The following ZNF536 variants were observed in gnomAD, a reference collection of about 807,000 sequenced individuals.
ZNF536 encodes the protein zinc finger protein 536.
Under a neutral mutation model 84.5 loss-of-function variants are expected in ZNF536, and 13 were observed. The observed-to-expected ratio is 0.15, with a 90% CI of 0.10 to 0.24. The LOEUF is 0.24. ZNF536 is among the 10% of genes least tolerant of loss of function. ZNF536 has a pLI of 1.00. For synonymous variants in ZNF536, 811 were observed against 742.5 expected (o/e 1.09, Z -1.50); for missense variants, 1,536 against 1,747.5 (o/e 0.88, Z 2.16).
At chr19:30,280,365 G>A (rs978165482) in intron 1 of ZNF536, among the ~76,000 whole-genome samples, 3 of 150,508 alleles carry the variant, frequency 2.0e-5, no homozygotes, top group South Asian at 2.1e-4. Flanking sequence ...CCATCCTCCC[G>A]TCTGTTCTCC....
chr19:30,429,011 T>A lies in ZNF536; in HGVS notation c.-2-14550T>A, dbSNP rs140136501. Among the ~76,000 whole-genome samples, 522 of 152,170 alleles carry A rather than the reference T, an allele frequency of 3.4e-3. 6 individuals are homozygous for A. Among genetic ancestry groups the A allele is most frequent in the African/African-American group, 0.012 (503 of 41,504 alleles). ...TGTCTAACACATGGGAAGCCATGAT[T>A]CAGAGAGGGGCCAGGGCACCTGAGG... On this transcript the variant is annotated intron_variant, in intron 1 of 4. Coordinates refer to ENST00000355537, the MANE Select transcript of ZNF536 (RefSeq NM_014717.3).
intron 1 of ZNF536, among the ~76,000 whole-genome samples, chr19:30,379,531 A>T (rs768434816): frequency 1.3e-5 from 2 of 151,190 alleles, no homozygotes; most frequent in Non-Finnish European, 2.9e-5. Flanking sequence ...GGGATGTATC[A>T]TCGTTGCCAG....
intron 1 of ZNF536, among the ~76,000 whole-genome samples, chr19:30,637,301 A>C (rs570798016): frequency 3.7e-4 from 57 of 152,296 alleles, no homozygotes; most frequent in African/African-American, 1.3e-3. Flanking sequence ...GCTGGGTATC[A>C]TGTCCTACTG....
intron 1 of ZNF536, among the ~76,000 whole-genome samples, chr19:30,432,312 G>T (rs2051509178): frequency 6.6e-6 from 1 of 152,112 alleles, no homozygotes; most frequent in Admixed American, 6.5e-5. Flanking sequence ...AGAGGACCAG[G>T]GGGCTTGGAG....
At chr19:30,320,851 C>T (rs979609245) in intron 2 of ZNF536, among the ~76,000 whole-genome samples, 21 of 152,218 alleles carry the variant, frequency 1.4e-4, no homozygotes, top group African/African-American at 4.3e-4. Flanking sequence ...GCCCACTGTG[C>T]GCCGGACGTG....
intron 1 of ZNF536, among the ~76,000 whole-genome samples, chr19:30,374,136 A>G (rs912857150): frequency 6.6e-6 from 1 of 152,204 alleles, no homozygotes; most frequent in Non-Finnish European, 1.5e-5. Flanking sequence ...TTCTGCTTAA[A>G]TATCCGGGTG....
At chr19:30,381,779 A>T (rs2049033768) in intron 1 of ZNF536, among the ~76,000 whole-genome samples, 3 of 152,190 alleles carry the variant, frequency 2.0e-5, no homozygotes. Flanking sequence ...GGGACAGTGC[A>T]AGGGACAGAA....
At chr19:30,555,507 G>A (rs943181072) in intron 4 of ZNF536, 28 of 152,298 alleles carry the variant, frequency 1.8e-4, no homozygotes, top group African/African-American at 6.3e-4. Flanking sequence ...TGGCAATTTT[G>A]TGATGACCTC....
chr19:30,703,572 G>A (rs2052089684), intron 1 of ZNF536, among the ~76,000 whole-genome samples: 4 of 152,144 alleles, frequency 2.6e-5, no homozygotes. Context: ...CCATTCAAAT[G>A]CCTATGCCCC....
intron 1 of ZNF536, among the ~76,000 whole-genome samples, chr19:30,383,671 TCTTCCTTTCTTCCTTC>T (rs2049122427): frequency 3.4e-5 from 1 of 29,606 alleles, no homozygotes; most frequent in Non-Finnish European, 8.6e-5. Context: ...TCTCTTTCTT[TCTTCCTTTCTTCCTTC>T]CTTTCTTTTC....
chr19:30,481,935 T>C (rs1000363025), intron 2 of ZNF536, among the ~76,000 whole-genome samples: 10 of 152,226 alleles, frequency 6.6e-5, no homozygotes, highest in African/African-American at 2.4e-4. Context: ...TTTCCATTCC[T>C]GAGTTACTTC....
rs568089395 is a variant in ZNF536, at chr19:30,711,695, A to T, written c.*694A>T. The T allele has an allele frequency of 4.6e-5, 7 of 152,296 alleles. No homozygotes were observed. In the South Asian group the frequency reaches 1.2e-3, roughly 27 times the overall value. The allele number at this position is 152,296 out of a possible 1,614,324, so 9.4% of individuals were successfully genotyped here. Reference sequence around the variant, plus strand: ...AGGAAGTGTCTGCAGACAAATGTCCATTGCAGGTTTGATGAGTAATTCCTT... The same window carrying T: ...AGGAAGTGTCTGCAGACAAATGTCCTTTGCAGGTTTGATGAGTAATTCCTT... On this transcript the variant is annotated 3_prime_UTR_variant, in exon 2 of 2. Transcript: ENST00000592773.
chr19:30,585,421 C>G (rs1363300327), intron 1 of ZNF536, among the ~76,000 whole-genome samples: 2 of 152,152 alleles, frequency 1.3e-5, no homozygotes, highest in East Asian at 3.9e-4. Context: ...AACAGATGAA[C>G]AAATGAATGA....
At chr19:30,560,002 C>T (rs1334374935), downstream of ZNF536, among the ~76,000 whole-genome samples, 1 of 152,094 alleles carries the variant, frequency 6.6e-6, no homozygotes, top group Non-Finnish European at 1.5e-5. Context: ...CCCATCTTCT[C>T]ATTTCAGGGC....
intron 1 of ZNF536, among the ~76,000 whole-genome samples, chr19:30,241,743 T>A (rs1007993007): frequency 1.3e-5 from 2 of 152,220 alleles, no homozygotes; most frequent in Non-Finnish European, 2.9e-5. Flanking sequence ...GCCAGGCACC[T>A]GGACCTGACC....
chr19:30,400,610 G>A lies in ZNF536; in HGVS notation c.-3+28054G>A, dbSNP rs146809826. Among the ~76,000 whole-genome samples the A allele has an allele frequency of 4.1e-3, 625 of 152,278 alleles. 6 individuals are homozygous for A. The highest frequency in any genetic ancestry group is 0.014 in the African/African-American group (594 of 41,558). On this transcript the variant is annotated intron_variant, in intron 1 of 4. Coordinates refer to ENST00000355537, the MANE Select transcript of ZNF536 (RefSeq NM_014717.3). ...AAGGTCTCACTTTGTCGCCCAGGCT[G>A]CAGTGCAGTGGTGCTGTCATAGCTC... is the stretch of plus-strand genomic sequence containing the variant.
chr19:30,694,809 A>T (rs1480617492), intron 1 of ZNF536, among the ~76,000 whole-genome samples: 1 of 152,024 alleles, frequency 6.6e-6, no homozygotes, highest in Non-Finnish European at 1.5e-5. Context: ...CCCATGGGGG[A>T]GGCCTGTGGG....
intron 1 of ZNF536, among the ~76,000 whole-genome samples, chr19:30,381,861 C>T (rs1173480598): frequency 6.6e-6 from 1 of 152,160 alleles, no homozygotes; most frequent in African/African-American, 2.4e-5. Flanking sequence ...CATCTCTTGG[C>T]CTGTGTGTCC....
At chr19:30,699,824 G>A (rs1376872631) in intron 1 of ZNF536, among the ~76,000 whole-genome samples, 9 of 152,058 alleles carry the variant, frequency 5.9e-5, no homozygotes, top group Non-Finnish European at 7.4e-5. Context: ...TGATGGTGAG[G>A]GGCTTCAAGG....
Sources: allele counts gnomAD v4.1 joint callset (sites outside exome capture counted in the v4.1 genomes callset), GRCh38; gene constraint gnomAD v4.1.1; transcripts MANE v1.5; gene names NCBI Gene and HGNC (gene_info 2026-07-23, HGNC 2026-07-21).